CCNY: variants seen among roughly 807,000 people sequenced by gnomAD.
CCNY encodes cyclin Y.
In CCNY, 19 loss-of-function variants were observed where a neutral mutation model predicts 42.8. That is an observed-to-expected ratio of 0.44 (90% CI 0.31 to 0.65). The LOEUF is 0.65. CCNY is among the 30% of genes least tolerant of loss of function. CCNY has a pLI of 0.07. For synonymous variants in CCNY, 165 were observed against 162.7 expected (o/e 1.01, Z -0.11); for missense variants, 370 against 437.3 (o/e 0.85, Z 1.37).
intron 9 of CCNY, among the ~76,000 whole-genome samples, chr10:35,568,152 G>A (rs1395397024): frequency 6.6e-6 from 1 of 152,182 alleles, no homozygotes; most frequent in Non-Finnish European, 1.5e-5. Flanking sequence ...AGAATATCTG[G>A]GGCTCTGAGT....
chr10:35,507,832 T>C (rs1589166562), intron 3 of CCNY, among the ~76,000 whole-genome samples: 1 of 152,016 alleles, frequency 6.6e-6, no homozygotes, highest in East Asian at 1.9e-4. Flanking sequence ...ATGTTTCTCA[T>C]TTTGGATTTG....
Position 35,569,142 on chromosome 10 carries a change from C to T in CCNY, c.998C>T (p.Pro333Leu). 1.2e-6 allele frequency: 2 copies of T among 1,610,998 alleles called. No homozygotes were observed. The highest frequency in any genetic ancestry group is 1.7e-6 in the Non-Finnish European group (2 of 1,178,710). ...RSASADNLTL[P>L]RWSPAIIS ...GCCAGTGCAGACAACCTGACTCTGCCCCGGTGGTCCCCAGCCATCATCTCT... is the reference window on the plus strand; with the variant it reads ...GCCAGTGCAGACAACCTGACTCTGCTCCGGTGGTCCCCAGCCATCATCTCT... The change falls in exon 10 of 10, where the codon CCC becomes CTC. Residue 333 changes from proline (P) to leucine (L), a missense_variant. Transcript: ENST00000374704.
chr10:35,454,856 C>CT (rs1231975214), intron 1 of CCNY, among the ~76,000 whole-genome samples: 1 of 152,198 alleles, frequency 6.6e-6, no homozygotes, highest in Non-Finnish European at 1.5e-5. Context: ...TCCAACAAAC[C>CT]TTGCCCCACT....
At chr10:35,563,458 G>T (rs1044954290) in intron 8 of CCNY, among the ~76,000 whole-genome samples, 3 of 152,108 alleles carry the variant, frequency 2.0e-5, no homozygotes, top group Non-Finnish European at 4.4e-5. Context: ...GGGAGAATAC[G>T]CTTTGCAGTG....
At chr10:35,566,469 G>A (rs909082547) in intron 9 of CCNY, among the ~76,000 whole-genome samples, 4 of 152,174 alleles carry the variant, frequency 2.6e-5, no homozygotes, top group Admixed American at 6.5e-5. Context: ...AGCCTCTCAA[G>A]TAGCTGGGAT....
At chr10:35,256,605 G>A (rs1213573618) in intron 3 of CCNY, among the ~76,000 whole-genome samples, 2 of 151,892 alleles carry the variant, frequency 1.3e-5, no homozygotes, top group Admixed American at 6.6e-5. Flanking sequence ...GGTGGCGGGT[G>A]CCTGTAATCC....
intron 3 of CCNY, among the ~76,000 whole-genome samples, chr10:35,275,286 G>A (rs1322024766): frequency 6.6e-6 from 1 of 151,320 alleles, no homozygotes; most frequent in Non-Finnish European, 1.5e-5. Flanking sequence ...GGCTGGTTTT[G>A]AACTCCTGAC....
chr10:35,332,816 G>C (rs1291114717), upstream of CCNY, among the ~76,000 whole-genome samples: 1 of 152,142 alleles, frequency 6.6e-6, no homozygotes, highest in African/African-American at 2.4e-5. Context: ...GTGTTAGCCA[G>C]GATGGTCTTG....
At chr10:35,279,813 CT>C (rs1332132854) in intron 3 of CCNY, among the ~76,000 whole-genome samples, 1 of 152,192 alleles carries the variant, frequency 6.6e-6, no homozygotes, top group Non-Finnish European at 1.5e-5. Context: ...CAGGAAAAGC[CT>C]GTGTAATTGC....
At chr10:35,410,649 A>T (rs1837883288) in intron 1 of CCNY, among the ~76,000 whole-genome samples, 1 of 152,246 alleles carries the variant, frequency 6.6e-6, no homozygotes, top group African/African-American at 2.4e-5. Flanking sequence ...AAAACAAAGA[A>T]GAGCTAACTA....
intron 8 of CCNY, among the ~76,000 whole-genome samples, chr10:35,565,783 T>C (rs1841558452): frequency 6.6e-6 from 1 of 152,172 alleles, no homozygotes; most frequent in African/African-American, 2.4e-5. Context: ...GTGAAGTGAT[T>C]CGCCCTGAAA....
chr10:35,418,383 A>G (rs1416758501), intron 1 of CCNY, among the ~76,000 whole-genome samples: 1 of 152,166 alleles, frequency 6.6e-6, no homozygotes, highest in East Asian at 1.9e-4. Flanking sequence ...GCTCTCTTCT[A>G]CCAGGAGGGA....
intron 8 of CCNY, among the ~76,000 whole-genome samples, chr10:35,564,521 G>A (rs1490026275): frequency 6.6e-6 from 1 of 152,174 alleles, no homozygotes; most frequent in Non-Finnish European, 1.5e-5. Flanking sequence ...ACAGCCATAG[G>A]GGTCTCGGGA....
At chr10:35,385,343 A>G (rs1329576666) in intron 1 of CCNY, among the ~76,000 whole-genome samples, 1 of 152,318 alleles carries the variant, frequency 6.6e-6, no homozygotes, top group East Asian at 1.9e-4. Flanking sequence ...TTTGCCAGCA[A>G]TAAAGGATTA....
chr10:35,561,985 A>G (rs1841475634), intron 8 of CCNY, among the ~76,000 whole-genome samples: 1 of 152,208 alleles, frequency 6.6e-6, no homozygotes, highest in Admixed American at 6.5e-5. Context: ...TCTCACCAAC[A>G]ATCAGTGGTC....
At chr10:35,472,615 G>A (rs1839412603) in intron 1 of CCNY, among the ~76,000 whole-genome samples, 1 of 152,190 alleles carries the variant, frequency 6.6e-6, no homozygotes, top group African/African-American at 2.4e-5. Flanking sequence ...ATGGATGAAT[G>A]AATGAATGAA....
chr10:35,352,007 T>C (rs1026658145), intron 1 of CCNY, among the ~76,000 whole-genome samples: 2 of 152,224 alleles, frequency 1.3e-5, no homozygotes, highest in African/African-American at 4.8e-5. Flanking sequence ...AGTGTGTAAG[T>C]GATCTACCTA....
In CCNY at chr10:35,571,960, CT is replaced by C. The variant is rs1276645662; in HGVS notation, c.*2792del. ...AATCTTTTTGATTTGTTTTACTTTT[CT>C]TATTTTTTTTTTTTTAACTAGAAAA... On this transcript the variant is annotated 3_prime_UTR_variant, in exon 10 of 10. Coordinates refer to ENST00000374704, the MANE Select transcript of CCNY (RefSeq NM_145012.6). 7.3e-6 allele frequency: 1 copy of C among 137,464 alleles called. No homozygotes were observed. The highest frequency in any genetic ancestry group is 7.6e-5 in the Admixed American group (1 of 13,200). The allele number at this position is 137,464 out of a possible 1,614,324, so 8.5% of individuals were successfully genotyped here. A position where few individuals can be genotyped will look rare whatever the true frequency, so the allele number is the denominator to read the frequency against.
chr10:35,535,360 A>G (rs144566808), intron 7 of CCNY, among the ~76,000 whole-genome samples: 4 of 152,058 alleles, frequency 2.6e-5, no homozygotes, highest in Non-Finnish European at 5.9e-5. Context: ...ACACTCAACA[A>G]ACCTTCTGGT....
Sources: gnomAD v4.1 joint callset for allele counts (sites outside exome capture counted in the v4.1 genomes callset) on GRCh38, gnomAD v4.1.1 for gene constraint, MANE v1.5 for transcripts, NCBI Gene and HGNC (gene_info 2026-07-23, HGNC 2026-07-21) for gene names.